The following ANKFN1 variants were observed in gnomAD, a reference collection of about 807,000 sequenced individuals.
ANKFN1 encodes ankyrin repeat and fibronectin type III domain containing 1.
In ANKFN1, 74 loss-of-function variants were observed where a neutral mutation model predicts 108.7. The observed-to-expected ratio is 0.68, with a 90% CI of 0.56 to 0.83. The LOEUF is 0.83. Among genes scored for constraint, ANKFN1 ranks in the 40% least tolerant of loss-of-function variants. ANKFN1 has a pLI of 0.00. For synonymous variants in ANKFN1, 547 were observed against 516.2 expected (o/e 1.06, Z -0.81); for missense variants, 1,505 against 1,382.3 (o/e 1.09, Z -1.41).
intron 3 of ANKFN1, among the ~76,000 whole-genome samples, chr17:56,308,280 A>T (rs977117986): frequency 6.6e-6 from 1 of 152,024 alleles, no homozygotes; most frequent in African/African-American, 2.4e-5. Flanking sequence ...TAAACATGGG[A>T]GTGCAAAAAA....
intron 1 of ANKFN1, among the ~76,000 whole-genome samples, chr17:56,175,135 T>A (rs1911029615): frequency 6.6e-6 from 1 of 152,216 alleles, no homozygotes. Flanking sequence ...CTTTGATGTC[T>A]GCAGGATTTT....
rs548842436 is a variant in ANKFN1, at chr17:56,197,822, C to G, written c.-70-14776C>G. ...CCTTTCTTGCACCAGGGACCAGTTT[C>G]GTGGAAGACAATTTTTCCATGCACA... On this transcript the variant is annotated intron_variant, in intron 1 of 20. Transcript: ENST00000682825. Among the ~76,000 whole-genome samples the G allele has an allele frequency of 1.1e-3, 169 of 152,300 alleles. 1 individual carries two copies. In the South Asian group the frequency reaches 0.02, roughly 18 times the overall value.
chr17:56,430,103 A>G (rs1312815623), intron 8 of ANKFN1, among the ~76,000 whole-genome samples: 4 of 152,242 alleles, frequency 2.6e-5, no homozygotes, highest in South Asian at 2.1e-4. Context: ...TCCTGTTTTC[A>G]TCTGTAAGAA....
At chr17:56,500,291 C>A (rs540423992) in intron 20 of ANKFN1, among the ~76,000 whole-genome samples, 67 of 152,098 alleles carry the variant, frequency 4.4e-4, no homozygotes, top group Non-Finnish European at 8.5e-4. Flanking sequence ...TTTGTGTCTG[C>A]ACCTATATTT....
chr17:56,439,453 G>A (rs2049031312), intron 8 of ANKFN1, among the ~76,000 whole-genome samples: 1 of 152,114 alleles, frequency 6.6e-6, no homozygotes, highest in Non-Finnish European at 1.5e-5. Flanking sequence ...TTTGTCAACT[G>A]ATAGAAAATG....
chr17:56,263,129 G>A (rs749193138), intron 3 of ANKFN1, among the ~76,000 whole-genome samples: 1 of 152,176 alleles, frequency 6.6e-6, no homozygotes, highest in Non-Finnish European at 1.5e-5. Flanking sequence ...GAAACAAGAC[G>A]AACAAGTTCA....
chr17:56,132,571 A>G (rs898751209), intron 4 of ANKFN1, among the ~76,000 whole-genome samples: 1 of 152,212 alleles, frequency 6.6e-6, no homozygotes, highest in Non-Finnish European at 1.5e-5. Context: ...AGAGTAGGTC[A>G]TTGGGAAAAG....
chr17:56,278,397 T>A (rs538546115), intron 3 of ANKFN1, among the ~76,000 whole-genome samples: 1 of 152,242 alleles, frequency 6.6e-6, no homozygotes, highest in Non-Finnish European at 1.5e-5. Flanking sequence ...TATTCCATCA[T>A]GATTTTCTCC....
intron 3 of ANKFN1, among the ~76,000 whole-genome samples, chr17:56,325,543 C>T (rs1249406378): frequency 6.6e-6 from 1 of 152,176 alleles, no homozygotes; most frequent in African/African-American, 2.4e-5. Context: ...GAGACTGAGC[C>T]TCTTGCTGTC....
intron 8 of ANKFN1, among the ~76,000 whole-genome samples, chr17:56,417,965 A>G (rs2048289765): frequency 6.6e-6 from 1 of 152,228 alleles, no homozygotes; most frequent in Non-Finnish European, 1.5e-5. Flanking sequence ...TTCTTGAATC[A>G]GAAGATACTC....
chr17:56,289,154 C>T (rs973362616), intron 3 of ANKFN1, among the ~76,000 whole-genome samples: 1 of 152,148 alleles, frequency 6.6e-6, no homozygotes, highest in African/African-American at 2.4e-5. Context: ...GTTCTACCCA[C>T]AAAGGCAGTC....
At chr17:56,487,305 T>C (rs1375372608) in intron 18 of ANKFN1, among the ~76,000 whole-genome samples, 1 of 152,080 alleles carries the variant, frequency 6.6e-6, no homozygotes. Context: ...AGCATTACTA[T>C]TTACAAAGTT....
At chr17:56,322,378 T>C (rs1262572191) in intron 3 of ANKFN1, among the ~76,000 whole-genome samples, 1 of 152,166 alleles carries the variant, frequency 6.6e-6, no homozygotes, top group Non-Finnish European at 1.5e-5. Flanking sequence ...ACACCATCAG[T>C]GTCTTCCTGC....
In ANKFN1 at chr17:56,055,472, G is replaced by C. The variant is rs1223168896; in HGVS notation, c.288+9147G>C. 3.4e-5 allele frequency among the ~76,000 whole-genome samples: 5 copies of C among 145,110 alleles called. No individual in the cohort carries two copies. In the East Asian group the frequency reaches 1.0e-3, roughly 29 times the overall value. Reference sequence around the variant, plus strand: ...GTGTGTGTGTGTATTATTCCATTATGTCTGTGTGTATATATATATGTGTGT... The same window carrying C: ...GTGTGTGTGTGTATTATTCCATTATCTCTGTGTGTATATATATATGTGTGT... On this transcript the variant is annotated intron_variant, in intron 4 of 12. Transcript: ENST00000635860.
intron 4 of ANKFN1, among the ~76,000 whole-genome samples, chr17:56,327,130 T>C (rs1017201917): frequency 1.3e-5 from 2 of 152,210 alleles, no homozygotes; most frequent in African/African-American, 4.8e-5. Flanking sequence ...AGACTGAATT[T>C]GCTTCTGTAC....
intron 4 of ANKFN1, among the ~76,000 whole-genome samples, chr17:56,076,465 A>C (rs1177224554): frequency 6.6e-6 from 1 of 152,222 alleles, no homozygotes. Context: ...TATAATTGTC[A>C]TTATTGTTAT....
chr17:56,205,718 T>G (rs1034650611), intron 1 of ANKFN1, among the ~76,000 whole-genome samples: 2 of 152,218 alleles, frequency 1.3e-5, no homozygotes, highest in Admixed American at 1.3e-4. Flanking sequence ...CATTCTCAAC[T>G]TTGTTGATTT....
At chr17:56,417,992 C>T (rs868676873) in intron 8 of ANKFN1, among the ~76,000 whole-genome samples, 1 of 152,156 alleles carries the variant, frequency 6.6e-6, no homozygotes, top group African/African-American at 2.4e-5. Context: ...CTTTACTAGT[C>T]AGGGGCAGGG....
At chr17:56,145,886 C>T (rs1031556892) in intron 4 of ANKFN1, among the ~76,000 whole-genome samples, 1 of 152,208 alleles carries the variant, frequency 6.6e-6, no homozygotes, top group Non-Finnish European at 1.5e-5. Context: ...GAGGTCTTAA[C>T]TCATTCCAGC....
Sources: gnomAD v4.1 joint callset for allele counts (sites outside exome capture counted in the v4.1 genomes callset) on GRCh38, gnomAD v4.1.1 for gene constraint, MANE v1.5 for transcripts, NCBI Gene and HGNC (gene_info 2026-07-23, HGNC 2026-07-21) for gene names.